The following ZFYVE28 variants were observed in gnomAD, a reference collection of about 807,000 sequenced individuals.
ZFYVE28 encodes the protein lateral signaling target protein 2 homolog.
A neutral mutation model predicts 82.1 loss-of-function variants in ZFYVE28; 40 were observed. The observed-to-expected ratio is 0.49, with a 90% CI of 0.38 to 0.63. ZFYVE28 has a LOEUF of 0.63. Ranked by LOEUF, ZFYVE28 falls within the 30% of genes least tolerant of loss-of-function variation. The pLI is 0.00. For missense variants in ZFYVE28, 1,321 were observed against 1,242.1 expected (o/e 1.06, Z -0.96); for synonymous variants, 612 against 546.1 (o/e 1.12, Z -1.68).
chr4:2,303,694 A>T (rs767277862), intron 8 of ZFYVE28, among the ~76,000 whole-genome samples: 46 of 151,948 alleles, frequency 3.0e-4, no homozygotes, highest in Non-Finnish European at 6.0e-4. Context: ...GTGCAGGGCA[A>T]GGAGGAGAGA....
rs1216689417 is a variant in ZFYVE28, at chr4:2,313,691, C to A, written c.803+6479G>T. ...GACCAGCCTGGCCAAAATGGTGAAA[C>A]CCAGTCTGTACTGAAAATACAAAAA... On this transcript the variant is annotated intron_variant, in intron 7 of 12. Coordinates refer to ENST00000290974, the MANE Select transcript of ZFYVE28 (RefSeq NM_020972.3). Among the ~76,000 whole-genome samples, 3 of 152,012 alleles carry A rather than the reference C, an allele frequency of 2.0e-5. No homozygotes were observed. In the East Asian group the frequency reaches 5.8e-4, roughly 29 times the overall value.
intron 1 of ZFYVE28, among the ~76,000 whole-genome samples, chr4:2,355,282 CTTTTT>C (rs71167786): frequency 2.8e-5 from 1 of 35,902 alleles, no homozygotes; most frequent in African/African-American, 8.5e-5. Flanking sequence ...AATGATTCTT[CTTTTT>C]TTTTTTTTTT....
At chr4:2,321,639 G>A (rs938201697) in intron 6 of ZFYVE28, among the ~76,000 whole-genome samples, 11 of 152,082 alleles carry the variant, frequency 7.2e-5, no homozygotes, top group African/African-American at 2.4e-4. Context: ...TTAACTTTAT[G>A]GGTGAATCAG....
At chr4:2,291,222 C>T (rs910814294) in intron 8 of ZFYVE28, among the ~76,000 whole-genome samples, 5 of 152,202 alleles carry the variant, frequency 3.3e-5, no homozygotes, top group Admixed American at 6.5e-5. Flanking sequence ...AGCATCACCG[C>T]GGTTGAAACC....
intron 8 of ZFYVE28, among the ~76,000 whole-genome samples, chr4:2,297,324 C>T (rs192317719): frequency 3.9e-5 from 6 of 152,326 alleles, no homozygotes; most frequent in East Asian, 3.9e-4. Context: ...GCAGCCACCT[C>T]GGGATAGACC....
chr4:2,338,936 T>C (rs957081709), intron 4 of ZFYVE28, among the ~76,000 whole-genome samples: 1 of 152,152 alleles, frequency 6.6e-6, no homozygotes, highest in Non-Finnish European at 1.5e-5. Flanking sequence ...GCGGTTCTCT[T>C]GCCTCAGCTT....
At chr4:2,323,463 T>C (rs1000698982) in intron 6 of ZFYVE28, among the ~76,000 whole-genome samples, 15 of 152,252 alleles carry the variant, frequency 9.9e-5, no homozygotes, top group Non-Finnish European at 1.8e-4. Context: ...TCATCAGATA[T>C]ATGATTTGCA....
At chr4:2,380,489 T>G (rs60744578) in intron 1 of ZFYVE28, among the ~76,000 whole-genome samples, 6,016 of 152,290 alleles carry the variant, frequency 0.04, 405 homozygotes, top group African/African-American at 0.13. Context: ...CTTCTTCAAT[T>G]TTATTGAAGT....
chr4:2,286,484 G>A (rs932348166), intron 8 of ZFYVE28: 3 of 152,320 alleles, frequency 2.0e-5, no homozygotes, highest in African/African-American at 7.2e-5. Context: ...ATAAACGTCA[G>A]CCGCTCCAGA....
chr4:2,401,644 CT>C (rs1466389556), intron 1 of ZFYVE28, among the ~76,000 whole-genome samples: 1 of 152,192 alleles, frequency 6.6e-6, no homozygotes, highest in Non-Finnish European at 1.5e-5. Flanking sequence ...TTCCATGGGC[CT>C]GCCTTTTTGG....
chr4:2,352,520 C>T (rs576442370), intron 2 of ZFYVE28, among the ~76,000 whole-genome samples: 4 of 151,660 alleles, frequency 2.6e-5, no homozygotes, highest in Non-Finnish European at 5.9e-5. Context: ...GAAGTGAGCC[C>T]GAATCAGATG....
chr4:2,361,229 C>T (rs577437910), intron 1 of ZFYVE28, among the ~76,000 whole-genome samples: 1 of 152,058 alleles, frequency 6.6e-6, no homozygotes, highest in South Asian at 2.1e-4. Context: ...GAACGGACAT[C>T]CTCAAAAAAA....
chr4:2,391,759 T>TTTCC (rs1729864748), intron 1 of ZFYVE28, among the ~76,000 whole-genome samples: 5 of 142,944 alleles, frequency 3.5e-5, no homozygotes, highest in Non-Finnish European at 7.6e-5. Flanking sequence ...TTTTTGTGAC[T>TTTCC]GAGTCTTGCT....
intron 5 of ZFYVE28, among the ~76,000 whole-genome samples, chr4:2,336,731 T>G (rs1721771153): frequency 7.4e-6 from 1 of 135,036 alleles, no homozygotes; most frequent in African/African-American, 2.8e-5. Context: ...AGTAAGGAGG[T>G]GAGGAGTAAG....
rs375202183 is a variant in ZFYVE28, at chr4:2,304,720, G to C, written c.1620C>G (p.Pro540=). 6.2e-7 allele frequency: 1 copy of C among 1,612,720 alleles called. No homozygotes were observed. Among genetic ancestry groups the C allele is most frequent in the African/African-American group, 1.3e-5 (1 of 75,058 alleles). The change falls in exon 8 of 13, where the codon CCC becomes CCG. Residue 540 remains proline, a synonymous_variant. Coordinates refer to ENST00000290974, the MANE Select transcript of ZFYVE28 (RefSeq NM_020972.3). ...GGCCGCCATCCATCCCCTCGGCCACGGGCTCCGAGGCGGCCTCCTGGGTGG... is the reference window on the plus strand; with the variant it reads ...GGCCGCCATCCATCCCCTCGGCCACCGGCTCCGAGGCGGCCTCCTGGGTGG... ...AVATQEAASE[P]VAEGMDGGPH... is the part of the protein sequence containing the mutation.
At chr4:2,398,697 T>TG (rs1560337970) in intron 1 of ZFYVE28, among the ~76,000 whole-genome samples, 1 of 85,968 alleles carries the variant, frequency 1.2e-5, no homozygotes, top group Non-Finnish European at 2.2e-5. Flanking sequence ...CAATGGGGGG[T>TG]CGAGATCCAG....
intron 6 of ZFYVE28, among the ~76,000 whole-genome samples, chr4:2,323,530 T>C (rs762676959): frequency 4.3e-4 from 65 of 150,728 alleles, no homozygotes; most frequent in Middle Eastern, 3.4e-3. Context: ...TGCATCACAA[T>C]TTTTTTTTCT....
intron 1 of ZFYVE28, among the ~76,000 whole-genome samples, chr4:2,357,738 G>C (rs1263053845): frequency 6.6e-6 from 1 of 152,190 alleles, no homozygotes; most frequent in African/African-American, 2.4e-5. Flanking sequence ...AAACAGGCCA[G>C]GTACTGAATT....
In ZFYVE28 at chr4:2,416,478, T is replaced by A. The variant is rs1037933978; in HGVS notation, c.39+1807A>T. Among the ~76,000 whole-genome samples the A allele has an allele frequency of 1.3e-5, 2 of 152,174 alleles. No homozygotes were observed. Among genetic ancestry groups the A allele is most frequent in the African/African-American group, 4.8e-5 (2 of 41,436 alleles). ...TCCCGCCATTTGTCACAGAAAATAA[T>A]GCTGCTGCACGCCCCCAAAACGCCG... On this transcript the variant is annotated intron_variant, in intron 1 of 12. Coordinates refer to ENST00000290974, the MANE Select transcript of ZFYVE28 (RefSeq NM_020972.3). This position sits in a 1 kb window ranked among gnomAD's most constrained non-coding sequence, Gnocchi z 4.6.
Sources: allele counts gnomAD v4.1 joint callset (sites outside exome capture counted in the v4.1 genomes callset), GRCh38; gene constraint gnomAD v4.1.1; non-coding constraint Gnocchi (gnomAD v3.1); transcripts MANE v1.5; gene names NCBI Gene and HGNC (gene_info 2026-07-23, HGNC 2026-07-21).